PDE7B: variants seen among roughly 807,000 people sequenced by gnomAD.
PDE7B encodes 3',5'-cyclic-AMP phosphodiesterase 7B.
PDE7B carries 29 observed loss-of-function variants against 56.2 expected under a neutral mutation model. The observed-to-expected ratio is 0.52, with a 90% CI of 0.38 to 0.70. PDE7B has a LOEUF of 0.70. PDE7B is among the 30% of genes least tolerant of loss of function. PDE7B has a pLI of 0.00. For missense variants in PDE7B, 490 were observed against 565.0 expected (o/e 0.87, Z 1.35); for synonymous variants, 197 against 196.9 (o/e 1.00, Z 0.00).
intron 11 of PDE7B, among the ~76,000 whole-genome samples, chr6:136,184,995 A>G (rs1046993108): frequency 1.3e-5 from 2 of 152,202 alleles, no homozygotes; most frequent in African/African-American, 2.4e-5. Flanking sequence ...CAACTCCTCC[A>G]AAGTGTCACA....
At chr6:135,907,870 T>A (rs796835995) in intron 1 of PDE7B, among the ~76,000 whole-genome samples, 1 of 152,106 alleles carries the variant, frequency 6.6e-6, no homozygotes. Context: ...ATTCCTCCTA[T>A]AGGGAGGAAA....
chr6:136,002,871 T>C (rs1252563371), intron 2 of PDE7B, among the ~76,000 whole-genome samples: 1 of 151,746 alleles, frequency 6.6e-6, no homozygotes, highest in Non-Finnish European at 1.5e-5. Flanking sequence ...TCTACAGAAC[T>C]CTCCACCCCA....
Position 136,058,469 on chromosome 6 carries a change from G to A in PDE7B, c.83-50262G>A, listed in dbSNP as rs17065257. ...CCAGTGTCTATTTCCTGGGAATTCA[G>A]TAGCAAAGCAGAAACAATAACCAAA... On this transcript the variant is annotated intron_variant, in intron 2 of 12. Transcript: ENST00000308191. Among the ~76,000 whole-genome samples, 74 of 152,254 alleles carry A rather than the reference G, an allele frequency of 4.9e-4. No individual in the cohort carries two copies. The East Asian group carries it at 8.9e-3, about 18-fold the overall frequency.
At chr6:136,059,132 G>A (rs1286991470) in intron 2 of PDE7B, among the ~76,000 whole-genome samples, 1 of 152,122 alleles carries the variant, frequency 6.6e-6, no homozygotes, top group Non-Finnish European at 1.5e-5. Context: ...TACAGTTTAG[G>A]AGTTAACCCA....
intron 1 of PDE7B, among the ~76,000 whole-genome samples, chr6:135,943,985 G>T (rs1452978434): frequency 5.9e-5 from 9 of 152,210 alleles, no homozygotes; most frequent in African/African-American, 2.2e-4. Flanking sequence ...TGAAGGCAGT[G>T]TTGGCTGGGA....
rs748222423 is a variant in PDE7B at position 136,038,476 on chromosome 6, G to A, written c.83-70255G>A. 1.0e-4 allele frequency: 134 copies of A among 1,289,700 alleles called. 1 individual carries two copies. In the South Asian group the frequency reaches 1.6e-3, roughly 15 times the overall value. 79.9% of individuals were successfully genotyped at this position (1,289,700 alleles called of 1,614,324 possible). A position where few individuals can be genotyped will look rare whatever the true frequency, so the allele number is the denominator to read the frequency against. On this transcript the variant is annotated intron_variant, in intron 2 of 12. Coordinates refer to ENST00000308191, the MANE Select transcript of PDE7B (RefSeq NM_018945.4). ...GGAAATCCAAAAGTGAGCTGCAGGCGACCAAACAGAGAGGCATTCTGGACA... is the reference window on the plus strand; with the variant it reads ...GGAAATCCAAAAGTGAGCTGCAGGCAACCAAACAGAGAGGCATTCTGGACA...
At chr6:136,130,601 C>G (rs550578552) in intron 3 of PDE7B, among the ~76,000 whole-genome samples, 1 of 152,170 alleles carries the variant, frequency 6.6e-6, no homozygotes, top group African/African-American at 2.4e-5. Flanking sequence ...CCTGCCACAG[C>G]TGAAGTGGAA....
chr6:135,931,548 G>T (rs1008108529), intron 1 of PDE7B, among the ~76,000 whole-genome samples: 13 of 152,144 alleles, frequency 8.5e-5, no homozygotes, highest in African/African-American at 3.1e-4. Flanking sequence ...GATTCCAAAG[G>T]TTTAATATTT....
chr6:136,032,620 T>C (rs1776260880), intron 2 of PDE7B, among the ~76,000 whole-genome samples: 1 of 152,170 alleles, frequency 6.6e-6, no homozygotes, highest in Admixed American at 6.5e-5. Context: ...TCCTGCATTC[T>C]CGCTGGGGAA....
chr6:136,112,801 C>T lies in PDE7B; in HGVS notation c.166+3987C>T, dbSNP rs79561684. The stretch of plus-strand genomic sequence containing the variant: ...ATTCTTCTGGAAGAGATTATTTTTG[C>T]GGGGAGGGGAAGCACATGTTTGGGG... On this transcript the variant is annotated intron_variant, in intron 3 of 12. Transcript: ENST00000308191. Among the ~76,000 whole-genome samples the T allele has an allele frequency of 1.2e-3, 182 of 151,970 alleles. No individual in the cohort carries two copies. In the East Asian group the frequency reaches 0.019, roughly 16 times the overall value.
chr6:136,135,528 A>G (rs1031527958), intron 3 of PDE7B, among the ~76,000 whole-genome samples: 1 of 152,026 alleles, frequency 6.6e-6, no homozygotes, highest in Non-Finnish European at 1.5e-5. Flanking sequence ...TCCACACTTG[A>G]TGATGTTAAG....
At chr6:136,096,964 A>G (rs1777480274) in intron 2 of PDE7B, among the ~76,000 whole-genome samples, 1 of 152,104 alleles carries the variant, frequency 6.6e-6, no homozygotes, top group Non-Finnish European at 1.5e-5. Flanking sequence ...CTTCTTCCAC[A>G]AAATCCATCT....
At chr6:135,996,203 T>C (rs1775561817) in intron 2 of PDE7B, among the ~76,000 whole-genome samples, 3 of 152,202 alleles carry the variant, frequency 2.0e-5, no homozygotes, top group Admixed American at 2.0e-4. Context: ...AATTTCAAAA[T>C]TATGACTTTA....
chr6:135,924,805 T>C (rs535548417), intron 1 of PDE7B, among the ~76,000 whole-genome samples: 1 of 151,712 alleles, frequency 6.6e-6, no homozygotes, highest in East Asian at 1.9e-4. Flanking sequence ...GTGAGTAACA[T>C]AGGAAAATAC....
intron 3 of PDE7B, among the ~76,000 whole-genome samples, chr6:136,113,507 T>C (rs1228590010): frequency 1.3e-5 from 2 of 152,190 alleles, no homozygotes; most frequent in African/African-American, 2.4e-5. Context: ...TCAGCACTGT[T>C]TGTGTGGGAC....
chr6:136,161,636 C>A (rs1178077623), intron 8 of PDE7B, among the ~76,000 whole-genome samples: 4 of 152,114 alleles, frequency 2.6e-5, no homozygotes, highest in Non-Finnish European at 5.9e-5. Context: ...TTTAAAATTT[C>A]TTTGGATTTT....
intron 2 of PDE7B, among the ~76,000 whole-genome samples, chr6:135,964,231 G>A (rs1302091540): frequency 6.6e-6 from 1 of 151,842 alleles, no homozygotes; most frequent in African/African-American, 2.4e-5. Context: ...AGCCTCCTGA[G>A]TAGCTGGGAC....
intron 3 of PDE7B, among the ~76,000 whole-genome samples, chr6:136,133,953 G>T (rs1011329551): frequency 1.3e-5 from 2 of 152,144 alleles, no homozygotes; most frequent in Admixed American, 6.5e-5. Context: ...TATCTGCAGG[G>T]TACTTTTGGG....
At position 135,851,850 on chromosome 6, in the gene PDE7B, T is replaced by G. The variant is rs191340695; in HGVS notation, c.-149T>G. The G allele has an allele frequency of 1.9e-3, 1,230 of 635,904 alleles. 19 individuals carry two copies. Among genetic ancestry groups the G allele is most frequent in the South Asian group, 0.013 (651 of 49,952 alleles). 39.4% of individuals were successfully genotyped at this position (635,904 alleles called of 1,614,324 possible). A position where few individuals can be genotyped will look rare whatever the true frequency, so the allele number is the denominator to read the frequency against. On this transcript the variant is annotated 5_prime_UTR_variant, in exon 1 of 13. Transcript: ENST00000308191. Reference sequence around the variant, plus strand: ...TTTTGTGTTTCTTTATTTCTTTTCCTTTTTTTTCTTTTTTTTTTTTTGTTA... The same window carrying G: ...TTTTGTGTTTCTTTATTTCTTTTCCGTTTTTTTCTTTTTTTTTTTTTGTTA...
Sources: allele counts gnomAD v4.1 joint callset (sites outside exome capture counted in the v4.1 genomes callset), GRCh38; gene constraint gnomAD v4.1.1; transcripts MANE v1.5; gene names NCBI Gene and HGNC (gene_info 2026-07-23, HGNC 2026-07-21).